Variants in RFC3 observed in about 807,000 individuals in gnomAD.
RFC3 encodes A1 38 kDa subunit.
Under a neutral mutation model 45.1 loss-of-function variants are expected in RFC3, and 41 were observed. The observed-to-expected ratio is 0.91, with a 90% confidence interval of 0.71 to 1.18. The LOEUF is 1.18. Ranked by LOEUF, RFC3 falls within the 50% of genes most tolerant of loss-of-function variation. The pLI is 0.00. For synonymous variants in RFC3, 149 were observed against 144.0 expected (o/e 1.03, Z -0.25); for missense variants, 423 against 428.1 (o/e 0.99, Z 0.10).
chr13:33,898,765 A>G (rs951206139), intron 8 of RFC3, among the ~76,000 whole-genome samples: 2 of 151,820 alleles, frequency 1.3e-5, no homozygotes, highest in African/African-American at 4.8e-5. Context: ...TATACTAAGA[A>G]AAAAGAGAGA....
intron 8 of RFC3, among the ~76,000 whole-genome samples, chr13:33,944,005 A>G (rs901764583): frequency 2.6e-5 from 4 of 152,102 alleles, no homozygotes; most frequent in Non-Finnish European, 4.4e-5. Context: ...CAGTATTGGT[A>G]GAGGGTAAGA....
intron 8 of RFC3, among the ~76,000 whole-genome samples, chr13:33,921,128 ATTAT>A (rs2082766075): frequency 6.6e-6 from 1 of 152,174 alleles, no homozygotes; most frequent in Non-Finnish European, 1.5e-5. Context: ...TCATTCAGTG[ATTAT>A]TTAATGAGCT....
intron 8 of RFC3, among the ~76,000 whole-genome samples, chr13:33,938,208 A>T (rs986113558): frequency 8.2e-5 from 12 of 147,158 alleles, no homozygotes; most frequent in African/African-American, 3.0e-4. Context: ...AAAAAAAAAA[A>T]GTAAGAGTTG....
intron 8 of RFC3, among the ~76,000 whole-genome samples, chr13:33,844,350 C>A (rs1436758416): frequency 6.6e-6 from 1 of 152,350 alleles, no homozygotes. Flanking sequence ...CTCTAGTGCT[C>A]TGCCCACCTT....
intron 8 of RFC3, among the ~76,000 whole-genome samples, chr13:33,905,679 A>T (rs2082668225): frequency 6.6e-6 from 1 of 152,064 alleles, no homozygotes; most frequent in Non-Finnish European, 1.5e-5. Flanking sequence ...AGTGTCTTAC[A>T]CCTAGTAAGT....
chr13:33,853,663 C>A (rs1473591069), intron 8 of RFC3, among the ~76,000 whole-genome samples: 1 of 152,100 alleles, frequency 6.6e-6, no homozygotes, highest in Non-Finnish European at 1.5e-5. Flanking sequence ...GACCAACATA[C>A]AAGGGGCAGA....
chr13:33,975,407 C>G, the RFC3 span, among the ~76,000 whole-genome samples: 1 of 152,158 alleles, frequency 6.6e-6, no homozygotes, highest in Non-Finnish European at 1.5e-5. Flanking sequence ...GAGTTGAGTA[C>G]ATGAGCATAA....
intron 8 of RFC3, among the ~76,000 whole-genome samples, chr13:33,950,659 A>T (rs1345127605): frequency 6.6e-6 from 1 of 152,190 alleles, no homozygotes; most frequent in Non-Finnish European, 1.5e-5. Flanking sequence ...CTGAGAGAAG[A>T]AGAGATAGCT....
At chr13:33,928,295 AC>A (rs1460977247) in intron 8 of RFC3, among the ~76,000 whole-genome samples, 1 of 152,136 alleles carries the variant, frequency 6.6e-6, no homozygotes, top group African/African-American at 2.4e-5. Flanking sequence ...TGCAAGTACT[AC>A]GCAAAAATAG....
intron 8 of RFC3, among the ~76,000 whole-genome samples, chr13:33,900,069 G>A (rs1030700677): frequency 6.6e-6 from 1 of 151,950 alleles, no homozygotes; most frequent in African/African-American, 2.4e-5. Flanking sequence ...TTCATGGGTT[G>A]AAAGAATTAA....
chr13:33,848,827 G>A (rs537002513), intron 8 of RFC3: 1 of 152,066 alleles, frequency 6.6e-6, no homozygotes, highest in Non-Finnish European at 1.5e-5. Context: ...TACTCAACAT[G>A]GCAAGTAATT....
chr13:33,907,289 G>A (rs946217406), intron 8 of RFC3, among the ~76,000 whole-genome samples: 2 of 152,092 alleles, frequency 1.3e-5, no homozygotes, highest in Non-Finnish European at 2.9e-5. Flanking sequence ...GGAAACAATT[G>A]AGTTGCAATC....
intron 8 of RFC3, among the ~76,000 whole-genome samples, chr13:33,886,969 A>AT (rs1382890427): frequency 2.7e-5 from 4 of 147,786 alleles, no homozygotes; most frequent in Admixed American, 6.7e-5. Flanking sequence ...TGAACTCATC[A>AT]TTTTTTATGG....
intron 2 of RFC3, among the ~76,000 whole-genome samples, chr13:33,822,212 G>T (rs1372141648): frequency 6.6e-6 from 1 of 152,200 alleles, no homozygotes; most frequent in Non-Finnish European, 1.5e-5. Flanking sequence ...CAAAAATGGT[G>T]TGGATGTGTC....
chr13:33,899,876 A>G (rs1484709601), intron 8 of RFC3, among the ~76,000 whole-genome samples: 2 of 152,014 alleles, frequency 1.3e-5, no homozygotes, highest in Non-Finnish European at 2.9e-5. Context: ...GCATTTATAT[A>G]TGCCAATGGC....
At chr13:33,913,110 G>T (rs1000175944) in intron 8 of RFC3, among the ~76,000 whole-genome samples, 1 of 152,102 alleles carries the variant, frequency 6.6e-6, no homozygotes, top group African/African-American at 2.4e-5. Context: ...GGGTCACCCA[G>T]GTGTGTCTGT....
At chr13:33,827,169 A>G (rs1303929814) in intron 4 of RFC3, among the ~76,000 whole-genome samples, 1 of 152,178 alleles carries the variant, frequency 6.6e-6, no homozygotes, top group Non-Finnish European at 1.5e-5. Flanking sequence ...TATGCTAGCA[A>G]TCCCAGTGCT....
chr13:33,850,173 A>AT (rs2082267333), intron 8 of RFC3: 1 of 152,088 alleles, frequency 6.6e-6, no homozygotes, highest in Non-Finnish European at 1.5e-5. Context: ...ATAGGTATGC[A>AT]TTTTCCATTT....
chr13:33,833,044 C>G (rs2082118661), intron 7 of RFC3, among the ~76,000 whole-genome samples: 1 of 152,126 alleles, frequency 6.6e-6, no homozygotes. Flanking sequence ...TTTAAACCAA[C>G]AATTGTAGGA....
Sources: allele counts gnomAD v4.1 joint callset (sites outside exome capture counted in the v4.1 genomes callset), GRCh38; gene constraint gnomAD v4.1.1; transcripts MANE v1.5; gene names NCBI Gene and HGNC (gene_info 2026-07-23, HGNC 2026-07-21).